Variants in TTC17 observed in about 807,000 individuals in gnomAD.
TTC17 encodes tetratricopeptide repeat domain 17.
A neutral mutation model predicts 143.8 loss-of-function variants in TTC17; 58 were observed. The ratio of observed to expected loss-of-function variants is 0.40; its 90% CI spans 0.33 to 0.50. TTC17 has a LOEUF of 0.50. Among genes scored for constraint, TTC17 ranks in the 20% least tolerant of loss-of-function variants. The probability of loss-of-function intolerance (pLI) is 0.49; values close to 1 mark genes in which losing one functional copy is unlikely to be tolerated. For missense variants in TTC17, 1,273 were observed against 1,392.5 expected (o/e 0.91, Z 1.37); for synonymous variants, 501 against 497.8 (o/e 1.01, Z -0.09).
chr11:43,376,115 C>T (rs548635427), intron 1 of TTC17, among the ~76,000 whole-genome samples: 5 of 152,196 alleles, frequency 3.3e-5, no homozygotes, highest in East Asian at 3.9e-4. Context: ...CAAAAAGTAT[C>T]GGATTTTGGA....
chr11:43,477,187 G>A (rs1236087106), intron 21 of TTC17, among the ~76,000 whole-genome samples: 1 of 152,308 alleles, frequency 6.6e-6, no homozygotes, highest in East Asian at 1.9e-4. Flanking sequence ...GACCACCTCA[G>A]CCTGAATTTT....
intron 23 of TTC17, among the ~76,000 whole-genome samples, chr11:43,493,329 A>G (rs961512458): frequency 7.2e-5 from 11 of 152,338 alleles, no homozygotes; most frequent in Non-Finnish European, 1.5e-4. Context: ...CTTTCCAGCT[A>G]CATTAGAAAA....
At position 43,448,022 on chromosome 11, in the gene TTC17, C is replaced by A. The variant is rs200852245; in HGVS notation, c.2686C>A (p.Arg896Ser). ...TCCAGGAAAAAAACGTGACTACCAG[C>A]GTCTGGGATGGCCCAGCCCGGACGA... ...GPQGKKRDYQ[R>S]LGWPSPDECL... The change falls in exon 19 of 24, where the codon CGT becomes AGT. Residue 896 changes from arginine to serine, a missense_variant. Transcript: ENST00000039989. 37 of 1,613,900 alleles carry A rather than the reference C, an allele frequency of 2.3e-5. No homozygotes were observed. In the African/African-American group the frequency reaches 3.7e-4, roughly 16 times the overall value.
chr11:43,452,893 A>T (rs779152823), intron 21 of TTC17, among the ~76,000 whole-genome samples: 1 of 152,228 alleles, frequency 6.6e-6, no homozygotes, highest in Non-Finnish European at 1.5e-5. Context: ...ACTGCACTCC[A>T]GCCTGGGCAA....
intron 21 of TTC17, chr11:43,486,379 T>A (rs1443368782): frequency 2.3e-6 from 1 of 442,886 alleles, no homozygotes; most frequent in Non-Finnish European, 4.5e-6. Context: ...TGAAAAAAAA[T>A]AGTAGATGTA....
At chr11:43,420,787 A>G (rs979297219) in intron 16 of TTC17, among the ~76,000 whole-genome samples, 3 of 152,306 alleles carry the variant, frequency 2.0e-5, no homozygotes, top group African/African-American at 7.2e-5. Flanking sequence ...ATGCCAAAAA[A>G]AATGTTTTAT....
At chr11:43,363,841 A>G (rs768261423) in intron 1 of TTC17, among the ~76,000 whole-genome samples, 15 of 152,182 alleles carry the variant, frequency 9.9e-5, no homozygotes, top group Non-Finnish European at 1.9e-4. Context: ...ATGAAGGACT[A>G]CAAAGAAACA....
chr11:43,424,124 C>T (rs1023609182), intron 16 of TTC17, among the ~76,000 whole-genome samples: 1 of 150,006 alleles, frequency 6.7e-6, no homozygotes, highest in Non-Finnish European at 1.5e-5. Context: ...GTCTCGCTCG[C>T]TCTTGTCGCC....
intron 16 of TTC17, chr11:43,435,226 C>A (rs1947265609): frequency 6.6e-6 from 1 of 152,136 alleles, no homozygotes; most frequent in African/African-American, 2.4e-5. Context: ...ACACTCTTAA[C>A]CAAAGAATTG....
chr11:43,414,089 C>T (rs1946720511), intron 15 of TTC17, among the ~76,000 whole-genome samples: 1 of 152,148 alleles, frequency 6.6e-6, no homozygotes, highest in Admixed American at 6.6e-5. Context: ...GAACATTACA[C>T]ATCAGCTTAA....
intron 21 of TTC17, among the ~76,000 whole-genome samples, chr11:43,472,580 T>C (rs1304534190): frequency 6.6e-6 from 1 of 152,020 alleles, no homozygotes; most frequent in Non-Finnish European, 1.5e-5. Flanking sequence ...TTAGTGGAAT[T>C]TTACATACCT....
At chr11:43,427,748 T>C (rs1267218232) in intron 16 of TTC17, among the ~76,000 whole-genome samples, 1 of 152,142 alleles carries the variant, frequency 6.6e-6, no homozygotes, top group Non-Finnish European at 1.5e-5. Context: ...GTGTACATCA[T>C]ACAACTCTCT....
chr11:43,426,413 A>G (rs1947028748), intron 16 of TTC17, among the ~76,000 whole-genome samples: 1 of 152,238 alleles, frequency 6.6e-6, no homozygotes, highest in Non-Finnish European at 1.5e-5. Flanking sequence ...TTTCCCCTTG[A>G]TCATGCATTG....
chr11:43,478,634 G>T (rs1050710771), intron 21 of TTC17, among the ~76,000 whole-genome samples: 8 of 151,958 alleles, frequency 5.3e-5, no homozygotes, highest in African/African-American at 1.9e-4. Flanking sequence ...AAGTGACAGG[G>T]TCTCCATCTG....
At position 43,379,182 on chromosome 11, in the gene TTC17, A is replaced by C. The variant is rs541357504; in HGVS notation, c.160-51A>C. 6 of 1,527,206 alleles carry C rather than the reference A, an allele frequency of 3.9e-6. No individual in the cohort carries two copies. In the African/African-American group the frequency reaches 4.1e-5, roughly 10 times the overall value. The allele number at this position is 1,527,206 out of a possible 1,614,324, so 94.6% of individuals were successfully genotyped here. A position where few individuals can be genotyped will look rare whatever the true frequency, so the allele number is the denominator to read the frequency against. The stretch of plus-strand genomic sequence containing the variant: ...AGCATATTAATGACTTTGTTAATCC[A>C]AACCAGCATTAATGAAATCCGAGCT... On this transcript the variant is annotated intron_variant, in intron 1 of 23. Transcript: ENST00000039989.
chr11:43,467,448 T>C (rs374901681), intron 21 of TTC17, among the ~76,000 whole-genome samples: 1 of 152,218 alleles, frequency 6.6e-6, no homozygotes, highest in Admixed American at 6.5e-5. Context: ...ATTCCACTTA[T>C]GTGAGGTATC....
intron 16 of TTC17, among the ~76,000 whole-genome samples, chr11:43,415,082 T>A (rs966328845): frequency 2.6e-5 from 4 of 152,190 alleles, no homozygotes; most frequent in Admixed American, 6.5e-5. Context: ...TTATAATAAC[T>A]GACATTCCTA....
intron 1 of TTC17, among the ~76,000 whole-genome samples, chr11:43,372,310 GT>G (rs1271922764): frequency 1.4e-4 from 20 of 144,708 alleles, no homozygotes; most frequent in Non-Finnish European, 2.1e-4. Flanking sequence ...AGGTTCATGG[GT>G]TTTTTTTTTT....
chr11:43,419,906 C>G (rs758646501), intron 16 of TTC17, among the ~76,000 whole-genome samples: 2 of 152,136 alleles, frequency 1.3e-5, no homozygotes, highest in African/African-American at 2.4e-5. Context: ...CCATTTATTT[C>G]TGTAAAAAGA....
Sources: allele counts gnomAD v4.1 joint callset (sites outside exome capture counted in the v4.1 genomes callset), GRCh38; gene constraint gnomAD v4.1.1; transcripts MANE v1.5; gene names NCBI Gene and HGNC (gene_info 2026-07-23, HGNC 2026-07-21).